Variants in GALNT17 observed in about 807,000 individuals in gnomAD.
GALNT17 encodes the protein polypeptide N-acetylgalactosaminyltransferase 17.
A neutral mutation model predicts 63.7 loss-of-function variants in GALNT17; 29 were observed. That is an observed-to-expected ratio of 0.46 (90% CI 0.34 to 0.62). The LOEUF is 0.62. Among genes scored for constraint, GALNT17 ranks in the 20% least tolerant of loss-of-function variants. The pLI is 0.01. For synonymous variants in GALNT17, 305 were observed against 318.3 expected, an observed-to-expected ratio of 0.96 and a Z score of 0.45; for missense variants, 603 against 799.6, an observed-to-expected ratio of 0.75 and a Z score of 2.97.
chr7:71,664,478 G>T (rs1031090873), intron 6 of GALNT17, among the ~76,000 whole-genome samples: 1 of 152,070 alleles, frequency 6.6e-6, no homozygotes, highest in South Asian at 2.1e-4. Context: ...GGGCATGGAG[G>T]CACGTACCTG....
chr7:71,372,380 G>A (rs1164075758), intron 2 of GALNT17, among the ~76,000 whole-genome samples: 1 of 151,976 alleles, frequency 6.6e-6, no homozygotes, highest in Non-Finnish European at 1.5e-5. Flanking sequence ...GGACAGGCTG[G>A]TCTCGAACTC....
chr7:71,521,459 A>T (rs549503490), intron 5 of GALNT17, among the ~76,000 whole-genome samples: 84 of 152,272 alleles, frequency 5.5e-4, no homozygotes, highest in Non-Finnish European at 9.0e-4. Context: ...ACCTGCCTGG[A>T]GACACGTCTT....
intron 1 of GALNT17, among the ~76,000 whole-genome samples, chr7:71,199,920 T>A (rs1156569360): frequency 6.6e-6 from 1 of 152,218 alleles, no homozygotes; most frequent in Non-Finnish European, 1.5e-5. Context: ...CCTCCTCTTT[T>A]TTGTCTTCCT....
At chr7:71,149,398 C>T (rs1302530418) in intron 1 of GALNT17, among the ~76,000 whole-genome samples, 2 of 152,070 alleles carry the variant, frequency 1.3e-5, no homozygotes, top group African/African-American at 2.4e-5. Flanking sequence ...GTCTCCTTTG[C>T]GAAGTTGGTA....
intron 1 of GALNT17, among the ~76,000 whole-genome samples, chr7:71,146,256 G>A (rs988970751): frequency 6.6e-6 from 1 of 152,098 alleles, no homozygotes; most frequent in African/African-American, 2.4e-5. Context: ...TTCTTACTGG[G>A]ATTGTCACAG....
rs1447417274 is a variant in GALNT17 at position 71,434,798 on chromosome 7, TGG to T, written c.962+13694_962+13695del. On this transcript the variant is annotated intron_variant, in intron 5 of 10. Coordinates refer to ENST00000333538, the MANE Select transcript of GALNT17 (RefSeq NM_022479.3). Reference sequence around the variant, plus strand: ...TGAAAAGCACTAATTATAAACTCTCTGGAGTTGTGGCATGGGCTGTTGTAGAT... The same window carrying T: ...TGAAAAGCACTAATTATAAACTCTCTAGTTGTGGCATGGGCTGTTGTAGAT... Among the ~76,000 whole-genome samples, 648 of 152,322 alleles carry T rather than the reference TGG, an allele frequency of 4.3e-3. 4 individuals are homozygous for T. The highest frequency in any genetic ancestry group is 0.014 in the Middle Eastern group (4 of 294).
intron 1 of GALNT17, among the ~76,000 whole-genome samples, chr7:71,278,112 G>T (rs757781516): frequency 2.6e-5 from 4 of 152,168 alleles, no homozygotes; most frequent in Non-Finnish European, 4.4e-5. Flanking sequence ...TAATAATAAT[G>T]ATACTAAGAA....
At chr7:71,573,656 T>C (rs1347372859) in intron 6 of GALNT17, among the ~76,000 whole-genome samples, 1 of 152,128 alleles carries the variant, frequency 6.6e-6, no homozygotes, top group Non-Finnish European at 1.5e-5. Context: ...TATTTTTTTC[T>C]TTTAACTTTC....
intron 6 of GALNT17, among the ~76,000 whole-genome samples, chr7:71,633,534 C>A (rs955624469): frequency 1.3e-5 from 2 of 152,110 alleles, no homozygotes; most frequent in Non-Finnish European, 2.9e-5. Flanking sequence ...GAAATGAATG[C>A]GGCTGTCAGT....
At chr7:71,292,744 A>G (rs1381877428) in intron 1 of GALNT17, among the ~76,000 whole-genome samples, 2 of 149,750 alleles carry the variant, frequency 1.3e-5, no homozygotes, top group African/African-American at 4.9e-5. Context: ...CTCTTATTAA[A>G]TTACAGTATA....
chr7:71,139,197 T>C (rs898915853), intron 1 of GALNT17, among the ~76,000 whole-genome samples: 4 of 152,080 alleles, frequency 2.6e-5, no homozygotes, highest in Admixed American at 6.6e-5. Context: ...GGTTCAGGAA[T>C]ACCAGGGTAC....
intron 1 of GALNT17, among the ~76,000 whole-genome samples, chr7:71,228,601 G>A (rs904669250): frequency 1.3e-5 from 2 of 152,148 alleles, no homozygotes; most frequent in East Asian, 1.9e-4. Flanking sequence ...GCAGGTTCCC[G>A]TGGCTCCCAA....
At chr7:71,451,843 T>G (rs1198781185) in intron 5 of GALNT17, among the ~76,000 whole-genome samples, 3 of 152,198 alleles carry the variant, frequency 2.0e-5, no homozygotes, top group Admixed American at 2.0e-4. Flanking sequence ...AAATCAATTT[T>G]TTAAATATAA....
intron 5 of GALNT17, among the ~76,000 whole-genome samples, chr7:71,478,510 T>A (rs767977514): frequency 6.6e-6 from 1 of 152,094 alleles, no homozygotes; most frequent in African/African-American, 2.4e-5. Context: ...CAATGGGGTC[T>A]CCCTATGGTT....
chr7:71,274,404 T>G (rs1165983944), intron 1 of GALNT17, among the ~76,000 whole-genome samples: 1 of 152,106 alleles, frequency 6.6e-6, no homozygotes, highest in East Asian at 1.9e-4. Flanking sequence ...CTCAGCCTCC[T>G]GAGTAGCTGG....
At chr7:71,625,558 G>C (rs1790359944) in intron 6 of GALNT17, among the ~76,000 whole-genome samples, 1 of 152,028 alleles carries the variant, frequency 6.6e-6, no homozygotes, top group African/African-American at 2.4e-5. Context: ...TTTTTTGTTG[G>C]GGGTGGGGTG....
rs112228107 is a variant in GALNT17, at chr7:71,169,096, C to T, written c.238+36056C>T. Among the ~76,000 whole-genome samples the T allele has an allele frequency of 6.0e-4, 91 of 152,280 alleles. 2 individuals carry two copies. Among genetic ancestry groups the T allele is most frequent in the African/African-American group, 2.0e-3 (85 of 41,554 alleles). ...CTGATGATGTGATCAGTATCCAGCT[C>T]ACTGACTGAATGGGAACCACTACAG... On this transcript the variant is annotated intron_variant, in intron 1 of 10. Transcript: ENST00000333538.
chr7:71,700,713 G>A (rs1304898084), intron 9 of GALNT17, among the ~76,000 whole-genome samples: 1 of 152,158 alleles, frequency 6.6e-6, no homozygotes. Context: ...CTCCATCAGG[G>A]CTTGACTTCA....
intron 6 of GALNT17, among the ~76,000 whole-genome samples, chr7:71,581,956 G>C (rs1044511815): frequency 3.9e-5 from 6 of 152,082 alleles, no homozygotes; most frequent in Non-Finnish European, 4.4e-5. Flanking sequence ...CAGTGCTTAG[G>C]GTGTGGGCTG....
Sources: gnomAD v4.1 joint callset for allele counts (sites outside exome capture counted in the v4.1 genomes callset) on GRCh38, gnomAD v4.1.1 for gene constraint, MANE v1.5 for transcripts, NCBI Gene and HGNC (gene_info 2026-07-23, HGNC 2026-07-21) for gene names.